MLIP: variants seen among roughly 807,000 people sequenced by gnomAD.
The protein encoded by MLIP is muscular LMNA-interacting protein.
In MLIP, 79 loss-of-function variants were observed where a neutral mutation model predicts 84.8. That is an observed-to-expected ratio of 0.93 (90% CI 0.78 to 1.12). The LOEUF (loss-of-function observed/expected upper bound fraction) is 1.12, where lower values mean the gene tolerates loss of function less well. Among genes scored for constraint, MLIP ranks in the 50% most tolerant of loss-of-function variants. MLIP has a pLI of 0.00. For synonymous variants in MLIP, 504 were observed against 463.0 expected (o/e 1.09, Z -1.14); for missense variants, 1,257 against 1,160.6 (o/e 1.08, Z -1.21).
intron 5 of MLIP, among the ~76,000 whole-genome samples, chr6:54,156,199 T>A (rs981859894): frequency 6.6e-6 from 1 of 152,068 alleles, no homozygotes; most frequent in African/African-American, 2.4e-5. Context: ...ATCACAATGA[T>A]ACATCTGACA....
At chr6:54,251,781 CATATA>C (rs1257241793) in intron 12 of MLIP, among the ~76,000 whole-genome samples, 1 of 88,548 alleles carries the variant, frequency 1.1e-5, no homozygotes, top group African/African-American at 4.9e-5. Flanking sequence ...TATATTATAA[CATATA>C]ATATATAATA....
At chr6:54,216,690 T>A (rs1562069647) in intron 11 of MLIP, 1 of 985,118 alleles carries the variant, frequency 1.0e-6, no homozygotes, top group Admixed American at 6.1e-5. Context: ...TTGGTTCAAA[T>A]CAGGATTCAA....
intron 11 of MLIP, among the ~76,000 whole-genome samples, chr6:54,227,958 C>G (rs973000384): frequency 6.6e-6 from 1 of 151,894 alleles, no homozygotes; most frequent in Non-Finnish European, 1.5e-5. Flanking sequence ...CCGAGGCGAG[C>G]GGATCATGAG....
chr6:54,052,921 G>A (rs1049453333), intron 1 of MLIP, among the ~76,000 whole-genome samples: 1 of 152,134 alleles, frequency 6.6e-6, no homozygotes, highest in Non-Finnish European at 1.5e-5. Flanking sequence ...GGTCTACTTT[G>A]AGGTATTGTA....
chr6:54,120,351 C>T (rs1770334436), intron 1 of MLIP, among the ~76,000 whole-genome samples: 1 of 152,098 alleles, frequency 6.6e-6, no homozygotes, highest in Admixed American at 6.5e-5. Context: ...TCTCCTGCTT[C>T]AGCCTCCTGA....
At chr6:54,219,203 T>A (rs1780051506) in intron 11 of MLIP, among the ~76,000 whole-genome samples, 1 of 150,268 alleles carries the variant, frequency 6.7e-6, no homozygotes, top group African/African-American at 2.4e-5. Context: ...AGACTCCGTC[T>A]CAAAAAAAAT....
intron 8 of MLIP, among the ~76,000 whole-genome samples, chr6:54,167,066 C>A (rs1775271122): frequency 6.6e-6 from 1 of 151,882 alleles, no homozygotes; most frequent in Admixed American, 6.6e-5. Context: ...TATGCCATGG[C>A]TTCTGCACTA....
At chr6:54,264,856 G>A (rs148713959) in intron 13 of MLIP, among the ~76,000 whole-genome samples, 19 of 152,208 alleles carry the variant, frequency 1.2e-4, no homozygotes, top group East Asian at 5.8e-4. Flanking sequence ...GAGCAGTCAT[G>A]AGCCACCCCT....
chr6:54,055,749 A>G (rs1352388984), intron 1 of MLIP, among the ~76,000 whole-genome samples: 1 of 152,178 alleles, frequency 6.6e-6, no homozygotes, highest in Non-Finnish European at 1.5e-5. Flanking sequence ...AGCATGGAGA[A>G]AAATTAAATG....
chr6:54,265,159 T>A (rs1414539404), intron 13 of MLIP, among the ~76,000 whole-genome samples: 2 of 152,120 alleles, frequency 1.3e-5, no homozygotes, highest in African/African-American at 4.8e-5. Flanking sequence ...AAAGTTCTGG[T>A]CAGTTCCTCC....
chr6:54,115,371 T>C (rs533720418), intron 1 of MLIP, among the ~76,000 whole-genome samples: 2 of 152,084 alleles, frequency 1.3e-5, no homozygotes, highest in Non-Finnish European at 2.9e-5. Context: ...AAGACAAATG[T>C]AGGAAAATAA....
intron 4 of MLIP, among the ~76,000 whole-genome samples, chr6:54,144,506 G>A (rs1359566882): frequency 6.6e-6 from 1 of 152,210 alleles, no homozygotes; most frequent in Non-Finnish European, 1.5e-5. Flanking sequence ...TTCCACCTCA[G>A]ATCATCAAGC....
chr6:54,075,619 AC>A (rs1351272474), intron 1 of MLIP, among the ~76,000 whole-genome samples: 2 of 152,182 alleles, frequency 1.3e-5, no homozygotes. Flanking sequence ...ATGCTTCCAG[AC>A]TGGAAATGTT....
At chr6:54,100,388 A>G (rs1432738960) in intron 1 of MLIP, among the ~76,000 whole-genome samples, 1 of 152,098 alleles carries the variant, frequency 6.6e-6, no homozygotes, top group African/African-American at 2.4e-5. Context: ...TATTTTAGTA[A>G]CTTGAAATTT....
intron 11 of MLIP, among the ~76,000 whole-genome samples, chr6:54,225,358 C>A (rs983527543): frequency 6.6e-6 from 1 of 152,148 alleles, no homozygotes; most frequent in Non-Finnish European, 1.5e-5. Context: ...AACTGTCACA[C>A]AGTGGTAAGT....
intron 13 of MLIP, among the ~76,000 whole-genome samples, chr6:54,264,791 C>T (rs760422727): frequency 3.9e-5 from 6 of 152,088 alleles, no homozygotes; most frequent in South Asian, 2.1e-4. Context: ...ATGATGAAAG[C>T]TACAGCTTAC....
intron 12 of MLIP, among the ~76,000 whole-genome samples, chr6:54,251,118 A>T (rs1188895325): frequency 1.3e-5 from 2 of 152,114 alleles, no homozygotes; most frequent in African/African-American, 4.8e-5. Context: ...ATACAACTCC[A>T]GTGTATCTGA....
Position 54,111,472 on chromosome 6 carries a change from A to C in MLIP, c.-8A>C. The C allele has an allele frequency of 3.9e-6, 6 of 1,535,956 alleles. No homozygotes were observed. Among genetic ancestry groups the C allele is most frequent in the Non-Finnish European group, 5.2e-6 (6 of 1,146,824 alleles). Reference sequence around the variant, plus strand: ...ATTGGTTTGCTCGCTCCCTTATGTGATGAATCAATGCTTTCAGAACAGGGG... The same window carrying C: ...ATTGGTTTGCTCGCTCCCTTATGTGCTGAATCAATGCTTTCAGAACAGGGG... On this transcript the variant is annotated 5_prime_UTR_variant, in exon 1 of 14. An upstream start codon of the reference 5' UTR is lost. Coordinates refer to ENST00000502396, the MANE Select transcript of MLIP (RefSeq NM_001281747.2).
intron 12 of MLIP, among the ~76,000 whole-genome samples, chr6:54,242,055 C>T (rs920485596): frequency 1.3e-5 from 2 of 152,118 alleles, no homozygotes; most frequent in Non-Finnish European, 2.9e-5. Context: ...CCTTTTGTTT[C>T]CCCATCATAG....
Sources: gnomAD v4.1 joint callset for allele counts (sites outside exome capture counted in the v4.1 genomes callset) on GRCh38, gnomAD v4.1.1 for gene constraint, MANE v1.5 for transcripts, NCBI Gene and HGNC (gene_info 2026-07-23, HGNC 2026-07-21) for gene names.